C9orf43: variants seen among roughly 807,000 people sequenced by gnomAD.
C9orf43 encodes uncharacterized protein C9orf43.
A neutral mutation model predicts 59.1 loss-of-function variants in C9orf43; 45 were observed. That is an observed-to-expected ratio of 0.76 (90% CI 0.60 to 0.98). The LOEUF is 0.98. C9orf43 is among the 50% of genes least tolerant of loss of function. The probability of loss-of-function intolerance (pLI) is 0.00; values close to 1 mark genes in which losing one functional copy is unlikely to be tolerated. For synonymous variants in C9orf43, 203 were observed against 196.8 expected, an observed-to-expected ratio of 1.03 and a Z score of -0.26; for missense variants, 533 against 554.9, an observed-to-expected ratio of 0.96 and a Z score of 0.40.
intron 3 of C9orf43, among the ~76,000 whole-genome samples, chr9:113,418,589 G>A (rs1209135749): frequency 6.6e-6 from 1 of 152,180 alleles, no homozygotes; most frequent in Non-Finnish European, 1.5e-5. Flanking sequence ...AACTCATGGT[G>A]TGAATATCGT....
chr9:113,426,604 A>T (rs1262505745), intron 11 of C9orf43, among the ~76,000 whole-genome samples: 1 of 152,156 alleles, frequency 6.6e-6, no homozygotes, highest in Non-Finnish European at 1.5e-5. Context: ...GTCTGATGCC[A>T]ATGATCTGCT....
Position 113,421,749 on chromosome 9 carries a change from A to T in C9orf43, c.446+546A>T, listed in dbSNP as rs984374273. Among the ~76,000 whole-genome samples, 38 of 152,196 alleles carry T rather than the reference A, an allele frequency of 2.5e-4. 1 individual carries two copies. The highest frequency in any genetic ancestry group is 1.9e-4 in the East Asian group (1 of 5,204). On this transcript the variant is annotated intron_variant, in intron 5 of 13. Transcript: ENST00000374165. ...TCAGGTTCTTAAGTGACATTTAGAGATGATGAAACTTAAGAATTTCTTTTT... is the reference window on the plus strand; with the variant it reads ...TCAGGTTCTTAAGTGACATTTAGAGTTGATGAAACTTAAGAATTTCTTTTT...
chr9:113,425,319 A>G (rs750317372), intron 9 of C9orf43, 25 bp from the exon 10 acceptor site: 1 of 1,613,554 alleles, frequency 6.2e-7, no homozygotes, highest in South Asian at 1.1e-5. Flanking sequence ...TTAGAAGAGG[A>G]TCAAGCTGGC....
At chr9:113,419,969 CAT>C (rs769759742) in intron 4 of C9orf43, among the ~76,000 whole-genome samples, 22 of 152,246 alleles carry the variant, frequency 1.4e-4, no homozygotes, top group Non-Finnish European at 2.5e-4. Context: ...TTTTCAATAT[CAT>C]GTGTAGTGGA....
At chr9:113,426,656 G>T (rs1828802269) in intron 11 of C9orf43, among the ~76,000 whole-genome samples, 1 of 152,126 alleles carries the variant, frequency 6.6e-6, no homozygotes, top group Admixed American at 6.5e-5. Flanking sequence ...CTTATGGGAG[G>T]TGGACAGAAT....
At chr9:113,424,851 G>A (rs1170504476) in intron 8 of C9orf43, among the ~76,000 whole-genome samples, 168 bp from the exon 9 acceptor site, 2 of 152,006 alleles carry the variant, frequency 1.3e-5, no homozygotes, top group African/African-American at 4.8e-5. Flanking sequence ...TCTGCACTTT[G>A]TTCCCCACAC....
chr9:113,411,031 A>G, intron 1 of C9orf43, 30 bp downstream of exon 1: 4 of 984,992 alleles, frequency 4.1e-6, no homozygotes, highest in Non-Finnish European at 4.8e-6. Flanking sequence ...TTTAGATTTT[A>G]TTGTTGTTGT....
chr9:113,423,352 T>C lies in C9orf43; in HGVS notation c.510T>C (p.Ser170=). The C allele has an allele frequency of 1.2e-6, 2 of 1,614,038 alleles. No homozygotes were observed. The highest frequency in any genetic ancestry group is 1.7e-6 in the Non-Finnish European group (2 of 1,179,946). ...AAAGCAAGTCATTTCTGGGTCTCTCTGGAAATCAGTCCGCAGGAACACGAG... is the reference window on the plus strand; with the variant it reads ...AAAGCAAGTCATTTCTGGGTCTCTCCGGAAATCAGTCCGCAGGAACACGAG... ...AVKSKSFLGL[S]GNQSAGTRVG... The change falls in exon 7 of 14, where the codon TCT becomes TCC. Residue 170 remains serine (S), a synonymous_variant. Coordinates refer to ENST00000374165, the MANE Select transcript of C9orf43 (RefSeq NM_001278629.2).
Position 113,419,095 on chromosome 9 carries a change from A to G in C9orf43, c.288-13A>G. On this transcript the variant is annotated splice_polypyrimidine_tract_variant and intron_variant, in intron 3 of 13. Transcript: ENST00000374165. ...TTTGTATTTCTGTTTTATGTGTGGA[A>G]CTCATTTTTTAGGCCTCCGAAGGGT... 6.2e-7 allele frequency: 1 copy of G among 1,604,902 alleles called. No individual in the cohort carries two copies. Among genetic ancestry groups the G allele is most frequent in the Non-Finnish European group, 8.5e-7 (1 of 1,174,248 alleles).
At chr9:113,420,615 C>T (rs141115651) in intron 4 of C9orf43, 94 of 238,096 alleles carry the variant, frequency 3.9e-4, no homozygotes, top group East Asian at 3.8e-3. Flanking sequence ...GTTCTAGGAT[C>T]CTAAATAGCT....
chr9:113,413,447 C>T lies in C9orf43; in HGVS notation c.-47C>T. 1 of 1,585,808 alleles carries T rather than the reference C, an allele frequency of 6.3e-7. No homozygotes were observed. The highest frequency in any genetic ancestry group is 2.3e-5 in the East Asian group (1 of 44,250). On this transcript the variant is annotated splice_region_variant and 5_prime_UTR_variant, in exon 2 of 14. Transcript: ENST00000374165. ...TTATGTAGCTGTTGATTTTCCAGAG[C>T]ACTAGAATGCTGCAGGGTTGGCCTT...
intron 1 of C9orf43, among the ~76,000 whole-genome samples, chr9:113,412,606 T>G (rs779538562): frequency 2.6e-5 from 4 of 152,256 alleles, no homozygotes; most frequent in Non-Finnish European, 5.9e-5. Context: ...ACACCTCCCA[T>G]GAATAAAAGT....
chr9:113,410,924 G>T lies in C9orf43; in HGVS notation c.-127G>T. On this transcript the variant is annotated 5_prime_UTR_variant, in exon 1 of 14. Transcript: ENST00000374165. ...TTTCTTTTTTCTTTCCTGGAATGGA[G>T]TGGGCAGTCTTTTTCCATCTCTACC... 1.0e-6 allele frequency: 1 copy of T among 986,516 alleles called. No individual in the cohort carries two copies. Among genetic ancestry groups the T allele is most frequent in the Non-Finnish European group, 1.2e-6 (1 of 830,370 alleles). The allele number at this position is 986,516 out of a possible 1,614,324, so 61.1% of individuals were successfully genotyped here. A position where few individuals can be genotyped will look rare whatever the true frequency, so the allele number is the denominator to read the frequency against.
chr9:113,426,680 C>T (rs977214309), intron 11 of C9orf43, among the ~76,000 whole-genome samples: 7 of 152,094 alleles, frequency 4.6e-5, no homozygotes, highest in Admixed American at 2.0e-4. Flanking sequence ...GGCTTGGCCC[C>T]GGGCAGGAGG....
Position 113,410,896 on chromosome 9 carries a change from C to A in C9orf43, c.-155C>A. On this transcript the variant is annotated 5_prime_UTR_variant, in exon 1 of 14. Transcript: ENST00000374165. ...TCAGCCCGTCGTGATCAGATTCTCC[C>A]ACTTTCTTTTTTCTTTCCTGGAATG... 1 of 968,264 alleles carries A rather than the reference C, an allele frequency of 1.0e-6. No individual in the cohort carries two copies. The highest frequency in any genetic ancestry group is 1.2e-6 in the Non-Finnish European group (1 of 813,680). The allele number at this position is 968,264 out of a possible 1,614,324, so 60.0% of individuals were successfully genotyped here. A position where few individuals can be genotyped will look rare whatever the true frequency, so the allele number is the denominator to read the frequency against.
At chr9:113,423,244 T>G in intron 6 of C9orf43, 82 bp from the exon 7 acceptor site, 1 of 1,373,430 alleles carries the variant, frequency 7.3e-7, no homozygotes, top group African/African-American at 1.4e-5. Context: ...GCCAGGGTAG[T>G]GTTGAGAGGC....
intron 1 of C9orf43, among the ~76,000 whole-genome samples, chr9:113,411,816 A>G (rs935970672): frequency 3.9e-5 from 6 of 152,058 alleles, no homozygotes; most frequent in South Asian, 4.1e-4. Flanking sequence ...AGCTGGGGCT[A>G]CAGGTGCGTT....
At chr9:113,416,533 T>C (rs1223193419) in intron 3 of C9orf43, among the ~76,000 whole-genome samples, 1 of 151,924 alleles carries the variant, frequency 6.6e-6, no homozygotes, top group Middle Eastern at 3.2e-3. Context: ...CTGGCCTTCC[T>C]ACTGGACCTC....
In C9orf43 at chr9:113,413,484, A is replaced by G. The variant is rs560437079; in HGVS notation, c.-10A>G. ...GCAGGGTTGGCCTTTGGCCTAAACC[A>G]TTTCTAGCTATGGACTTGCCAGATG... On this transcript the variant is annotated 5_prime_UTR_variant, in exon 2 of 14. Coordinates refer to ENST00000374165, the MANE Select transcript of C9orf43 (RefSeq NM_001278629.2). 1.1e-5 allele frequency: 17 copies of G among 1,609,150 alleles called. No individual in the cohort carries two copies. The South Asian group carries it at 1.2e-4, about 11-fold the overall frequency.
Sources: gnomAD v4.1 joint callset for allele counts (sites outside exome capture counted in the v4.1 genomes callset) on GRCh38, gnomAD v4.1.1 for gene constraint, MANE v1.5 for transcripts, NCBI Gene and HGNC (gene_info 2026-07-23, HGNC 2026-07-21) for gene names.